The following PRKAR1A variants were observed in gnomAD, a reference collection of about 807,000 sequenced individuals.
The protein encoded by PRKAR1A is cAMP-dependent protein kinase type I-alpha regulatory subunit.
PRKAR1A carries 3 observed loss-of-function variants against 52.0 expected under a neutral mutation model. The ratio of observed to expected loss-of-function variants is 0.06; its 90% CI spans 0.03 to 0.15. The LOEUF (loss-of-function observed/expected upper bound fraction) is 0.15. Ranked by LOEUF, PRKAR1A falls within the 10% of genes least tolerant of loss-of-function variation. PRKAR1A has a pLI of 1.00. For synonymous variants in PRKAR1A, 188 were observed against 168.4 expected (o/e 1.12, Z -0.90); for missense variants, 240 against 477.4 (o/e 0.50, Z 4.63).
intron 11 of PRKAR1A, chr17:68,542,866 G>T: frequency 7.3e-7 from 1 of 1,378,972 alleles, no homozygotes; most frequent in Admixed American, 1.7e-5. Flanking sequence ...GAGGAGGAGG[G>T]GTTTTGTCCC....
chr17:68,515,684 TAAA>T (rs942277800), intron 2 of PRKAR1A, 108 bp downstream of exon 2: 5 of 1,291,332 alleles, frequency 3.9e-6, no homozygotes, highest in African/African-American at 3.0e-5. Flanking sequence ...TCTGACTAAA[TAAA>T]AAGTCTAAAA....
intron 11 of PRKAR1A, chr17:68,542,882 C>T: frequency 8.5e-7 from 1 of 1,174,504 alleles, no homozygotes. Context: ...GTCCCCCGGC[C>T]AGTGCACATT....
the PRKAR1A span, among the ~76,000 whole-genome samples, chr17:68,430,474 G>A: frequency 1.3e-5 from 2 of 152,198 alleles, no homozygotes; most frequent in Non-Finnish European, 2.9e-5. Flanking sequence ...AAGAGAGTTA[G>A]GGTAGAGAGT....
chr17:68,498,232 C>T, the PRKAR1A span, among the ~76,000 whole-genome samples: 1 of 152,158 alleles, frequency 6.6e-6, no homozygotes. Context: ...TTCACTTTGA[C>T]TGGAAGTTTA....
chr17:68,523,405 CTAAT>C (rs2085680078), intron 3 of PRKAR1A, among the ~76,000 whole-genome samples: 1 of 152,182 alleles, frequency 6.6e-6, no homozygotes, highest in South Asian at 2.1e-4. Flanking sequence ...TTTAAAATGA[CTAAT>C]TATTATAAAA....
chr17:68,486,356 C>A, the PRKAR1A span, among the ~76,000 whole-genome samples: 1 of 151,896 alleles, frequency 6.6e-6, no homozygotes, highest in African/African-American at 2.4e-5. Context: ...TTCTTCTCAT[C>A]CCCCTCTTCC....
chr17:68,535,576 G>A, downstream of PRKAR1A: 2 of 454,084 alleles, frequency 4.4e-6, no homozygotes, highest in South Asian at 3.1e-5. Flanking sequence ...GACAGTGAAT[G>A]AAGTGGGGAG....
chr17:68,525,684 T>C (rs2085766936), intron 6 of PRKAR1A, 70 bp from the exon 7 acceptor site: 1 of 1,524,810 alleles, frequency 6.6e-7, no homozygotes, highest in East Asian at 2.3e-5. Flanking sequence ...TTTAAAAAGG[T>C]TTGAGGGTTT....
At chr17:68,518,870 C>T (rs751481660) in intron 2 of PRKAR1A, among the ~76,000 whole-genome samples, 2 of 152,188 alleles carry the variant, frequency 1.3e-5, no homozygotes, top group African/African-American at 4.8e-5. Flanking sequence ...TTTCTTCCAC[C>T]GGATACCCTA....
the PRKAR1A span, among the ~76,000 whole-genome samples, chr17:68,447,119 T>C: frequency 6.6e-6 from 1 of 152,228 alleles, no homozygotes; most frequent in African/African-American, 2.4e-5. Context: ...ACTCCTTTTA[T>C]CAATTACAAA....
chr17:68,452,905 C>G, the PRKAR1A span: 1 of 1,613,512 alleles, frequency 6.2e-7, no homozygotes, highest in Admixed American at 1.7e-5. Flanking sequence ...CTCACACACA[C>G]TTACTGCTTC....
chr17:68,431,108 A>G, the PRKAR1A span, among the ~76,000 whole-genome samples: 1 of 152,156 alleles, frequency 6.6e-6, no homozygotes, highest in African/African-American at 2.4e-5. Flanking sequence ...GCTGGGGTTT[A>G]CAAAGAGGTG....
chr17:68,444,607 TATC>T, the PRKAR1A span: 21 of 1,603,168 alleles, frequency 1.3e-5, no homozygotes, highest in African/African-American at 2.3e-4. Flanking sequence ...CACACAGACT[TATC>T]AGTCTACCGA....
At chr17:68,496,943 C>A in the PRKAR1A span, among the ~76,000 whole-genome samples, 1 of 149,662 alleles carries the variant, frequency 6.7e-6, no homozygotes, top group East Asian at 2.0e-4. Flanking sequence ...CCTGCCTCAG[C>A]CCCACAAATA....
chr17:68,530,484 C>G lies in PRKAR1A; in HGVS notation c.*35C>G, dbSNP rs771867731. ...CCTGTGCCTCCCTTTTCTCCTCTCCCCAATCCATGCTTCACTCATGCAAAC... is the reference window on the plus strand; with the variant it reads ...CCTGTGCCTCCCTTTTCTCCTCTCCGCAATCCATGCTTCACTCATGCAAAC... On this transcript the variant is annotated 3_prime_UTR_variant, in exon 11 of 11. Transcript: ENST00000589228. The G allele has an allele frequency of 8.1e-6, 13 of 1,613,890 alleles. No homozygotes were observed. The highest frequency in any genetic ancestry group is 3.3e-5 in the South Asian group (3 of 91,050).
At chr17:68,435,222 A>T in the PRKAR1A span, among the ~76,000 whole-genome samples, 1 of 151,326 alleles carries the variant, frequency 6.6e-6, no homozygotes, top group East Asian at 1.9e-4. Context: ...AAAAAAAAAA[A>T]TTCAATTGGA....
chr17:68,444,915 C>CTTT, the PRKAR1A span, among the ~76,000 whole-genome samples: 17 of 89,092 alleles, frequency 1.9e-4, no homozygotes, highest in African/African-American at 4.8e-4. Context: ...ATCCTGAACA[C>CTTT]TTTTTTTTTT....
At chr17:68,432,162 A>G in the PRKAR1A span, among the ~76,000 whole-genome samples, 1 of 152,294 alleles carries the variant, frequency 6.6e-6, no homozygotes, top group Admixed American at 6.5e-5. Flanking sequence ...AAGTTCTGGA[A>G]AGATGAAGGA....
At chr17:68,457,538 T>G in the PRKAR1A span, 1 of 216,258 alleles carries the variant, frequency 4.6e-6, no homozygotes. Flanking sequence ...CCCCGCCCCG[T>G]CCCCACCCCG....
Sources: gnomAD v4.1 joint callset for allele counts (sites outside exome capture counted in the v4.1 genomes callset) on GRCh38, gnomAD v4.1.1 for gene constraint, MANE v1.5 for transcripts, NCBI Gene and HGNC (gene_info 2026-07-23, HGNC 2026-07-21) for gene names.